Variants in FNDC3A observed in about 807,000 individuals in gnomAD.
FNDC3A encodes fibronectin type III domain containing 3A, also known as fibronectin type-III domain-containing protein 3A.
A neutral mutation model predicts 148.9 loss-of-function variants in FNDC3A; 32 were observed. The ratio of observed to expected loss-of-function variants is 0.21; its 90% CI spans 0.16 to 0.29. FNDC3A has a LOEUF of 0.29. Among genes scored for constraint, FNDC3A ranks in the 10% least tolerant of loss-of-function variants. The pLI is 1.00. For synonymous variants in FNDC3A, 472 were observed against 473.6 expected (o/e 1.00, Z 0.04); for missense variants, 1,191 against 1,452.8 (o/e 0.82, Z 2.93).
chr13:48,985,436 G>A (rs1951770724), intron 1 of FNDC3A, among the ~76,000 whole-genome samples: 1 of 152,142 alleles, frequency 6.6e-6, no homozygotes, highest in South Asian at 2.1e-4. Flanking sequence ...TTAATAGAGA[G>A]TATTGCATGA....
At chr13:49,042,349 C>T (rs1236184958) in intron 2 of FNDC3A, among the ~76,000 whole-genome samples, 1 of 152,136 alleles carries the variant, frequency 6.6e-6, no homozygotes, top group African/African-American at 2.4e-5. Context: ...ACTCTGATTA[C>T]TCTTACAACT....
At chr13:49,075,217 C>G in intron 2 of FNDC3A, 72 bp from the exon 3 acceptor site, 1 of 853,936 alleles carries the variant, frequency 1.2e-6, no homozygotes. Context: ...CTTATATCTG[C>G]TCTGTTACTA....
In FNDC3A at chr13:49,084,659, G is replaced by A. The variant is rs549282213; in HGVS notation, c.175+9295G>A. On this transcript the variant is annotated intron_variant, in intron 3 of 25. Transcript: ENST00000492622. ...TCACCTTTGTTTTCTCATACCTCAC[G>A]CTGCTTGGGGAAGACAAGAACCTAA... 4.6e-5 allele frequency among the ~76,000 whole-genome samples: 7 copies of A among 152,052 alleles called. No individual in the cohort carries two copies. The East Asian group carries it at 1.2e-3, about 25-fold the overall frequency.
chr13:49,053,258 A>G (rs1875982697), intron 2 of FNDC3A, among the ~76,000 whole-genome samples: 1 of 152,064 alleles, frequency 6.6e-6, no homozygotes, highest in African/African-American at 2.4e-5. Context: ...CTTTCTTAGT[A>G]TGTTTCTGTG....
chr13:49,126,286 G>A (rs1296764067), intron 4 of FNDC3A, among the ~76,000 whole-genome samples: 1 of 150,008 alleles, frequency 6.7e-6, no homozygotes, highest in Admixed American at 6.7e-5. Context: ...TTTTTTAATT[G>A]TGGTAAAACA....
intron 13 of FNDC3A, among the ~76,000 whole-genome samples, chr13:49,175,898 T>C (rs113220588): frequency 0.011 from 1,724 of 152,356 alleles, 36 homozygotes; most frequent in African/African-American, 0.039. Flanking sequence ...TGAGAGTTTT[T>C]GGCATGAAGG....
chr13:49,007,038 A>G (rs1182769170), intron 2 of FNDC3A, among the ~76,000 whole-genome samples: 1 of 152,080 alleles, frequency 6.6e-6, no homozygotes, highest in Non-Finnish European at 1.5e-5. Context: ...TGAGGTAGGT[A>G]CACCTGCCCT....
chr13:49,040,843 C>T lies in FNDC3A; in HGVS notation c.100-34446C>T, dbSNP rs543659295. Reference sequence around the variant, plus strand: ...TCACCTGTCACACTTATAAGAGTTACTTGGTTTACAGGATTTTTGTAGTCA... The same window carrying T: ...TCACCTGTCACACTTATAAGAGTTATTTGGTTTACAGGATTTTTGTAGTCA... On this transcript the variant is annotated intron_variant, in intron 2 of 25. Coordinates refer to ENST00000492622, the MANE Select transcript of FNDC3A (RefSeq NM_001079673.2). Among the ~76,000 whole-genome samples the T allele has an allele frequency of 3.3e-5, 5 of 152,262 alleles. No homozygotes were observed. The East Asian group carries it at 9.6e-4, about 29-fold the overall frequency.
intron 8 of FNDC3A, among the ~76,000 whole-genome samples, chr13:49,148,519 C>G (rs1305339060): frequency 6.6e-6 from 1 of 151,814 alleles, no homozygotes. Flanking sequence ...AGTCATTTGG[C>G]TATAAATTTA....
At chr13:49,032,869 A>C (rs1186823338) in intron 2 of FNDC3A, among the ~76,000 whole-genome samples, 2 of 152,198 alleles carry the variant, frequency 1.3e-5, no homozygotes, top group Non-Finnish European at 2.9e-5. Context: ...GGTAAATTTT[A>C]TTGCATATAG....
At chr13:49,161,866 T>C (rs1448283537) in intron 8 of FNDC3A, among the ~76,000 whole-genome samples, 1 of 152,202 alleles carries the variant, frequency 6.6e-6, no homozygotes, top group Non-Finnish European at 1.5e-5. Flanking sequence ...TCTCCTTCAC[T>C]TATGAAGCTT....
At chr13:49,205,769 T>G (rs1304650745) in intron 25 of FNDC3A, among the ~76,000 whole-genome samples, 1 of 152,244 alleles carries the variant, frequency 6.6e-6, no homozygotes, top group Non-Finnish European at 1.5e-5. Context: ...TTAAAGCTTC[T>G]TTCAGTAAGT....
rs12877404 is a variant in FNDC3A, at chr13:48,996,187, A to T, written c.-39-9965A>T. 1.6e-3 allele frequency among the ~76,000 whole-genome samples: 241 copies of T among 151,212 alleles called. 1 individual carries two copies. The highest frequency in any genetic ancestry group is 3.0e-3 in the Non-Finnish European group (202 of 67,824). ...GTGGTATAAACCATATCCATATTAT[A>T]AAAAAAAACTTGAGAAATAGAAACA... On this transcript the variant is annotated intron_variant, in intron 1 of 25. Transcript: ENST00000492622.
chr13:48,997,698 C>A (rs1019725061), intron 1 of FNDC3A, among the ~76,000 whole-genome samples: 2 of 152,148 alleles, frequency 1.3e-5, no homozygotes, highest in African/African-American at 2.4e-5. Flanking sequence ...TCTTGGACAT[C>A]TTGGCCTCCG....
chr13:49,009,061 G>A (rs981569968), intron 2 of FNDC3A, among the ~76,000 whole-genome samples: 3 of 152,166 alleles, frequency 2.0e-5, no homozygotes, highest in Non-Finnish European at 4.4e-5. Context: ...GATGGGTAAT[G>A]TCATATATCA....
chr13:48,975,521 C>T (rs1435792600), upstream of FNDC3A: 1 of 152,264 alleles, frequency 6.6e-6, no homozygotes, highest in Non-Finnish European at 1.5e-5. Context: ...ACCTGCCAGC[C>T]TTAAGTTCGC....
intron 1 of FNDC3A, among the ~76,000 whole-genome samples, chr13:48,995,774 C>A (rs1399879155): frequency 6.6e-6 from 1 of 152,084 alleles, no homozygotes; most frequent in Admixed American, 6.6e-5. Context: ...AAGCTAATAT[C>A]CTGTTCTTAT....
rs751208846 is a variant in FNDC3A, at chr13:49,198,592, CT to C, written c.2987+20del. The C allele has an allele frequency of 6.4e-7, 1 of 1,564,440 alleles. No homozygotes were observed. Among genetic ancestry groups the C allele is most frequent in the Non-Finnish European group, 8.8e-7 (1 of 1,135,004 alleles). On this transcript the variant is annotated intron_variant, in intron 23 of 25. Transcript: ENST00000492622. ...AATGGACGGTAGGTTTTTTTAATTG[CT>C]TCTTTATATAGTTTCTTAGGTCTTA...
chr13:49,047,152 T>A (rs532630529), intron 2 of FNDC3A, among the ~76,000 whole-genome samples: 1 of 152,320 alleles, frequency 6.6e-6, no homozygotes, highest in African/African-American at 2.4e-5. Flanking sequence ...CATTATTTTT[T>A]TTTTTTTAAT....
Sources: gnomAD v4.1 joint callset for allele counts (sites outside exome capture counted in the v4.1 genomes callset) on GRCh38, gnomAD v4.1.1 for gene constraint, MANE v1.5 for transcripts, NCBI Gene and HGNC (gene_info 2026-07-23, HGNC 2026-07-21) for gene names.